The following SPMAP2L variants were observed in gnomAD, a reference collection of about 807,000 sequenced individuals.
SPMAP2L encodes sperm microtubule associated protein 2-like.
At chr4:56,533,852 G>C in the SPMAP2L span, among the ~76,000 whole-genome samples, 1 of 151,884 alleles carries the variant, frequency 6.6e-6, no homozygotes, top group African/African-American at 2.4e-5. Flanking sequence ...CTGGTAGACT[G>C]AGGCAGGAGC....
At chr4:56,559,266 G>T in the SPMAP2L span, 237 of 886,912 alleles carry the variant, frequency 2.7e-4, no homozygotes, top group Non-Finnish European at 3.3e-4. Context: ...GAGCCACTGC[G>T]CTCCACTCCA....
chr4:56,577,311 A>T, the SPMAP2L span, among the ~76,000 whole-genome samples: 1 of 152,172 alleles, frequency 6.6e-6, no homozygotes, highest in Admixed American at 6.5e-5. Flanking sequence ...TGGCAGAGGC[A>T]CAAGAATAGA....
the SPMAP2L span, among the ~76,000 whole-genome samples, chr4:56,550,024 A>G: frequency 2.0e-5 from 3 of 152,190 alleles, no homozygotes; most frequent in African/African-American, 7.2e-5. Flanking sequence ...AGTAAATAAT[A>G]CCAGATTTTA....
the SPMAP2L span, among the ~76,000 whole-genome samples, chr4:56,582,035 T>C: frequency 6.6e-6 from 1 of 152,210 alleles, no homozygotes. Context: ...ATCACAGACC[T>C]AAATATAAGA....
chr4:56,536,003 G>A, the SPMAP2L span, among the ~76,000 whole-genome samples: 2 of 152,216 alleles, frequency 1.3e-5, no homozygotes, highest in Admixed American at 6.5e-5. Flanking sequence ...CCTCACATGC[G>A]CACGCGCAGT....
chr4:56,571,273 C>T, the SPMAP2L span, among the ~76,000 whole-genome samples: 2 of 151,558 alleles, frequency 1.3e-5, no homozygotes, highest in African/African-American at 4.8e-5. Flanking sequence ...TGATATATAT[C>T]CTTATAACAT....
the SPMAP2L span, chr4:56,593,028 C>T: frequency 3.1e-6 from 5 of 1,596,038 alleles, no homozygotes; most frequent in Non-Finnish European, 4.3e-6. Flanking sequence ...CATGCCATTT[C>T]AAGCAAAAAC....
chr4:56,563,691 G>C, the SPMAP2L span, among the ~76,000 whole-genome samples: 2 of 152,076 alleles, frequency 1.3e-5, no homozygotes, highest in South Asian at 4.1e-4. Flanking sequence ...GAAAGGGCCA[G>C]ATAGTAAAGT....
At chr4:56,577,132 T>C in the SPMAP2L span, among the ~76,000 whole-genome samples, 2 of 152,108 alleles carry the variant, frequency 1.3e-5, no homozygotes, top group Non-Finnish European at 2.9e-5. Flanking sequence ...TGGCGAGGTG[T>C]GGTGGCTCAC....
chr4:56,541,197 A>G, the SPMAP2L span, among the ~76,000 whole-genome samples: 2 of 152,236 alleles, frequency 1.3e-5, no homozygotes, highest in African/African-American at 4.8e-5. Context: ...CAATTACTGT[A>G]TATTCTTGAA....
the SPMAP2L span, among the ~76,000 whole-genome samples, chr4:56,603,809 G>A: frequency 6.6e-6 from 1 of 152,022 alleles, no homozygotes; most frequent in Non-Finnish European, 1.5e-5. Context: ...AAGCTCTTTT[G>A]GAAAAATTGA....
the SPMAP2L span, among the ~76,000 whole-genome samples, chr4:56,576,303 A>C: frequency 6.6e-6 from 1 of 152,160 alleles, no homozygotes; most frequent in Non-Finnish European, 1.5e-5. Context: ...AAGAGAAATG[A>C]CATGTTTAGT....
chr4:56,623,389 C>T, the SPMAP2L span, among the ~76,000 whole-genome samples: 1 of 152,222 alleles, frequency 6.6e-6, no homozygotes, highest in Non-Finnish European at 1.5e-5. Flanking sequence ...CAAAAAAACA[C>T]TTTCAAGCTT....
the SPMAP2L span, among the ~76,000 whole-genome samples, chr4:56,612,656 C>G: frequency 6.6e-6 from 1 of 152,106 alleles, no homozygotes; most frequent in East Asian, 1.9e-4. Flanking sequence ...CAATCTCCAC[C>G]GCCCGGGTTC....
the SPMAP2L span, among the ~76,000 whole-genome samples, chr4:56,565,533 T>C: frequency 6.6e-6 from 1 of 152,164 alleles, no homozygotes; most frequent in Non-Finnish European, 1.5e-5. Context: ...TCATCATCCA[T>C]AAGGGAAAGT....
At chr4:56,551,263 T>C in the SPMAP2L span, among the ~76,000 whole-genome samples, 2 of 152,212 alleles carry the variant, frequency 1.3e-5, no homozygotes, top group South Asian at 2.1e-4. Context: ...GTAATTCTCC[T>C]GGCCTCTTGC....
chr4:56,624,878 G>A, the SPMAP2L span, among the ~76,000 whole-genome samples: 4 of 152,210 alleles, frequency 2.6e-5, no homozygotes, highest in African/African-American at 9.6e-5. Context: ...CCCCCACACA[G>A]AGTCCCTACT....
At chr4:56,580,623 C>T in the SPMAP2L span, among the ~76,000 whole-genome samples, 2 of 149,254 alleles carry the variant, frequency 1.3e-5, no homozygotes, top group African/African-American at 5.0e-5. Flanking sequence ...CTAACCAGGG[C>T]AATTAGGCAT....
chr4:56,559,964 C>T, the SPMAP2L span, among the ~76,000 whole-genome samples: 1 of 152,174 alleles, frequency 6.6e-6, no homozygotes, highest in East Asian at 1.9e-4. Flanking sequence ...ATTAGGGATT[C>T]TATATCTGTT....
Sources: gnomAD v4.1 joint callset for allele counts (sites outside exome capture counted in the v4.1 genomes callset) on GRCh38, gnomAD v4.1.1 for gene constraint, MANE v1.5 for transcripts, NCBI Gene and HGNC (gene_info 2026-07-23, HGNC 2026-07-21) for gene names.